Variants in BLTP1 observed in about 807,000 individuals in gnomAD.
BLTP1 encodes the protein fragile site-associated protein.
the BLTP1 span, among the ~76,000 whole-genome samples, chr4:122,194,949 A>T: frequency 6.6e-6 from 1 of 152,190 alleles, no homozygotes; most frequent in Non-Finnish European, 1.5e-5. Context: ...CACATATATT[A>T]AATTCACTAA....
chr4:122,276,560 T>C, the BLTP1 span: 1 of 985,384 alleles, frequency 1.0e-6, no homozygotes, highest in Non-Finnish European at 1.2e-6. Flanking sequence ...TAGAGAGCCA[T>C]TTGCATGTCA....
the BLTP1 span, chr4:122,210,838 T>C: frequency 1.8e-5 from 28 of 1,585,516 alleles, no homozygotes; most frequent in East Asian, 2.2e-5. Flanking sequence ...AGAAGTCTTT[T>C]GTCCCCCACC....
chr4:122,164,614 ATAAT>A, the BLTP1 span: 1 of 161,974 alleles, frequency 6.2e-6, no homozygotes, highest in African/African-American at 2.4e-5. Flanking sequence ...TTTGTCATTA[ATAAT>A]TATTTTTTGG....
the BLTP1 span, chr4:122,250,822 AC>A: frequency 1.4e-4 from 78 of 546,144 alleles, no homozygotes; most frequent in Admixed American, 1.2e-3. Context: ...CAAATTAGAT[AC>A]CTAATAAATA....
chr4:122,186,550 A>T, the BLTP1 span, among the ~76,000 whole-genome samples: 15 of 151,876 alleles, frequency 9.9e-5, no homozygotes, highest in African/African-American at 3.4e-4. Context: ...AAAATACATG[A>T]TTTTGTTCTG....
the BLTP1 span, chr4:122,271,713 T>C: frequency 1.3e-6 from 2 of 1,565,616 alleles, no homozygotes; most frequent in East Asian, 4.5e-5. Context: ...TCAGAAACAT[T>C]TGGACCAGCA....
chr4:122,199,375 T>G, the BLTP1 span: 1 of 1,613,340 alleles, frequency 6.2e-7, no homozygotes, highest in Non-Finnish European at 8.5e-7. Flanking sequence ...CTCCTGCTAT[T>G]AAGGGACAAC....
chr4:122,316,945 G>A, the BLTP1 span: 1 of 953,448 alleles, frequency 1.0e-6, no homozygotes, highest in African/African-American at 1.7e-5. Context: ...AACTGTATTT[G>A]GTCTAATACA....
At chr4:122,268,294 G>A in the BLTP1 span, among the ~76,000 whole-genome samples, 10 of 150,638 alleles carry the variant, frequency 6.6e-5, no homozygotes, top group East Asian at 1.9e-3. Flanking sequence ...AGAGTAGTTT[G>A]AATGGTCCTG....
At chr4:122,360,979 T>A in the BLTP1 span, among the ~76,000 whole-genome samples, 3 of 152,214 alleles carry the variant, frequency 2.0e-5, no homozygotes, top group South Asian at 6.2e-4. Context: ...AGCCCAGCTC[T>A]TTTGCATAGT....
At chr4:122,313,781 C>A in the BLTP1 span, 1 of 695,806 alleles carries the variant, frequency 1.4e-6, no homozygotes, top group South Asian at 2.6e-5. Flanking sequence ...TTCTGGTGTT[C>A]ACTAATTTAA....
At chr4:122,334,616 G>A in the BLTP1 span, 1 of 1,453,574 alleles carries the variant, frequency 6.9e-7, no homozygotes, top group Non-Finnish European at 9.5e-7. Context: ...TTGCTCTTTT[G>A]AGACTTTCCA....
At chr4:122,295,893 G>A in the BLTP1 span, among the ~76,000 whole-genome samples, 3 of 152,116 alleles carry the variant, frequency 2.0e-5, no homozygotes, top group Non-Finnish European at 2.9e-5. Context: ...ATCCCTTCAT[G>A]TTAAAAACTC....
the BLTP1 span, chr4:122,175,426 G>A: frequency 3.5e-6 from 1 of 286,532 alleles, no homozygotes; most frequent in South Asian, 1.4e-4. Flanking sequence ...CCTCTTTCAA[G>A]ATTTGGCTTA....
the BLTP1 span, among the ~76,000 whole-genome samples, chr4:122,176,194 T>G: frequency 6.6e-6 from 1 of 151,984 alleles, no homozygotes; most frequent in African/African-American, 2.4e-5. Flanking sequence ...TCCCAGCTAT[T>G]CAGGAGGCTG....
the BLTP1 span, among the ~76,000 whole-genome samples, chr4:122,220,642 T>C: frequency 6.6e-6 from 1 of 152,220 alleles, no homozygotes; most frequent in Non-Finnish European, 1.5e-5. Context: ...TGAGAGTTGT[T>C]TCAAGAATCT....
At chr4:122,205,499 TTCTCTCTC>T in the BLTP1 span, among the ~76,000 whole-genome samples, 104 of 140,910 alleles carry the variant, frequency 7.4e-4, no homozygotes, top group Admixed American at 1.8e-3. Flanking sequence ...TTCCAATTGT[TTCTCTCTC>T]TCTCTCTCTC....
chr4:122,190,080 GTAT>G, the BLTP1 span: 5 of 1,612,560 alleles, frequency 3.1e-6, no homozygotes, highest in Non-Finnish European at 3.4e-6. Flanking sequence ...GATGAGCCAG[GTAT>G]TGTTGTTGTT....
At chr4:122,343,876 T>G in the BLTP1 span, 1 of 785,954 alleles carries the variant, frequency 1.3e-6, no homozygotes, top group Non-Finnish European at 1.5e-6. Flanking sequence ...AGAGATTACT[T>G]ATGTTATTGA....
Sources: allele counts gnomAD v4.1 joint callset (sites outside exome capture counted in the v4.1 genomes callset), GRCh38; gene constraint gnomAD v4.1.1; transcripts MANE v1.5; gene names NCBI Gene and HGNC (gene_info 2026-07-23, HGNC 2026-07-21).